SVOPL: variants seen among roughly 807,000 people sequenced by gnomAD.
The protein encoded by SVOPL is SVOP like.
A neutral mutation model predicts 61.0 loss-of-function variants in SVOPL; 60 were observed. That is an observed-to-expected ratio of 0.98 (90% CI 0.80 to 1.22). The LOEUF (loss-of-function observed/expected upper bound fraction) is 1.22. Ranked by LOEUF, SVOPL falls within the 50% of genes most tolerant of loss-of-function variation. The pLI is 0.00. For missense variants in SVOPL, 662 were observed against 643.9 expected (o/e 1.03, Z -0.30); for synonymous variants, 279 against 250.0 (o/e 1.12, Z -1.09).
chr7:138,606,318 G>T (rs775747794), intron 14 of SVOPL, among the ~76,000 whole-genome samples: 76 of 152,150 alleles, frequency 5.0e-4, no homozygotes, highest in Non-Finnish European at 9.0e-4. Flanking sequence ...TTAAGCAGAA[G>T]AGGAAAGCTC....
intron 9 of SVOPL, among the ~76,000 whole-genome samples, chr7:138,635,890 G>A (rs1800445017): frequency 6.6e-6 from 1 of 151,950 alleles, no homozygotes; most frequent in Non-Finnish European, 1.5e-5. Context: ...AAAAGTAAGT[G>A]AGCCACACAA....
At chr7:138,620,020 C>G (rs886684003) in intron 14 of SVOPL, among the ~76,000 whole-genome samples, 1 of 151,928 alleles carries the variant, frequency 6.6e-6, no homozygotes, top group Admixed American at 6.6e-5. Flanking sequence ...CCTGTCAGTG[C>G]CCCCACTCCC....
rs754830380 is a variant in SVOPL, at chr7:138,679,069, A to G, written c.-24T>C. 2 of 1,546,396 alleles carry G rather than the reference A, an allele frequency of 1.3e-6. No homozygotes were observed. The highest frequency in any genetic ancestry group is 2.4e-5 in the East Asian group (1 of 40,884). ...ATCTTCTAAATAGCTCAAGTTCCCC[A>G]AACAGCTTCCCTGGTGGAAGCAAGG... On this transcript the variant is annotated 5_prime_UTR_variant, in exon 2 of 16. Transcript: ENST00000674285.
intron 10 of SVOPL, among the ~76,000 whole-genome samples, chr7:138,629,388 GC>G (rs1200410262): frequency 6.6e-6 from 1 of 151,806 alleles, no homozygotes; most frequent in Non-Finnish European, 1.5e-5. Context: ...CCACCACCAT[GC>G]CCAGCTAATT....
chr7:138,696,999 C>CA (rs1395176963), intron 1 of SVOPL, among the ~76,000 whole-genome samples: 1 of 152,170 alleles, frequency 6.6e-6, no homozygotes, highest in Non-Finnish European at 1.5e-5. Flanking sequence ...GGTAGCCTGG[C>CA]ATAAGAGGCC....
chr7:138,622,143 T>G (rs1265935826), intron 13 of SVOPL, among the ~76,000 whole-genome samples: 1 of 129,808 alleles, frequency 7.7e-6, no homozygotes, highest in African/African-American at 2.7e-5. Flanking sequence ...TCTATGTATC[T>G]ATCTATGTAT....
intron 9 of SVOPL, among the ~76,000 whole-genome samples, chr7:138,640,932 G>T (rs920066036): frequency 1.3e-5 from 2 of 152,164 alleles, no homozygotes; most frequent in African/African-American, 2.4e-5. Flanking sequence ...CTGGGTTACA[G>T]TGGTTCACAC....
chr7:138,599,120 C>T (rs1394602747), intron 14 of SVOPL, among the ~76,000 whole-genome samples: 1 of 87,070 alleles, frequency 1.1e-5, no homozygotes, highest in African/African-American at 4.7e-5. Flanking sequence ...CCAACCTGGG[C>T]AACATAGTGA....
chr7:138,637,457 T>TATAG (rs1554462977), intron 9 of SVOPL, among the ~76,000 whole-genome samples: 3 of 15,332 alleles, frequency 2.0e-4, no homozygotes, highest in African/African-American at 6.6e-4. Context: ...GATAGATAGA[T>TATAG]ATATATATAT....
At chr7:138,664,008 A>C (rs1802132649) in intron 4 of SVOPL, among the ~76,000 whole-genome samples, 1 of 152,102 alleles carries the variant, frequency 6.6e-6, no homozygotes. Flanking sequence ...TGCACGACAA[A>C]AGCCACGACT....
At chr7:138,692,150 T>C (rs1802957493) in intron 1 of SVOPL, among the ~76,000 whole-genome samples, 2 of 152,272 alleles carry the variant, frequency 1.3e-5, no homozygotes, top group South Asian at 4.1e-4. Flanking sequence ...CACTCCAGCC[T>C]GGGTGACAAG....
At chr7:138,676,635 C>T (rs1459309094) in intron 3 of SVOPL, among the ~76,000 whole-genome samples, 1 of 152,154 alleles carries the variant, frequency 6.6e-6, no homozygotes, top group Non-Finnish European at 1.5e-5. Context: ...TTCATCAGTG[C>T]CTCTTAAAGG....
At chr7:138,672,799 T>C (rs1802461874) in intron 3 of SVOPL, among the ~76,000 whole-genome samples, 1 of 149,720 alleles carries the variant, frequency 6.7e-6, no homozygotes, top group Non-Finnish European at 1.5e-5. Flanking sequence ...CCTAAGAAAA[T>C]GTGTATTTAA....
At chr7:138,667,422 T>C (rs1420021946) in intron 4 of SVOPL, among the ~76,000 whole-genome samples, 1 of 152,224 alleles carries the variant, frequency 6.6e-6, no homozygotes, top group East Asian at 1.9e-4. Context: ...ATAATGTTGA[T>C]TGCAAGCTCA....
At chr7:138,639,185 G>A (rs1035901159) in intron 9 of SVOPL, among the ~76,000 whole-genome samples, 5 of 152,066 alleles carry the variant, frequency 3.3e-5, no homozygotes, top group African/African-American at 9.7e-5. Context: ...AACCTAGGAG[G>A]CGAAGGTTGC....
Position 138,666,886 on chromosome 7 carries a change from C to T in SVOPL, c.274-3741G>A, listed in dbSNP as rs78653721. On this transcript the variant is annotated intron_variant, in intron 4 of 15. Coordinates refer to ENST00000674285, the MANE Select transcript of SVOPL (RefSeq NM_001139456.2). The stretch of plus-strand genomic sequence containing the variant: ...TATGTATGATGCCAGCCTTGTGAAA[C>T]ATAAAACCCAACCTGTCCTTCTCCT... 2.1e-3 allele frequency among the ~76,000 whole-genome samples: 327 copies of T among 152,264 alleles called. 1 individual carries two copies. Among genetic ancestry groups the T allele is most frequent in the Non-Finnish European group, 3.7e-3 (251 of 68,020 alleles).
At chr7:138,697,611 C>CAAA (rs397890852) in intron 1 of SVOPL, among the ~76,000 whole-genome samples, 6 of 70,328 alleles carry the variant, frequency 8.5e-5, no homozygotes, top group Admixed American at 1.9e-4. Context: ...GACCCTGCCT[C>CAAA]AAAAAAAAAA....
At position 138,654,130 on chromosome 7, in the gene SVOPL, C is replaced by CAAA. The variant is rs34730936; in HGVS notation, c.534+2315_534+2317dup. The stretch of plus-strand genomic sequence containing the variant: ...CCTGGGCAATAAAGCAAGACTCCCT[C>CAAA]AAAAAAAAAAAAAAAAAGAATCATG... On this transcript the variant is annotated intron_variant, in intron 7 of 15. Transcript: ENST00000674285. Among the ~76,000 whole-genome samples the CAAA allele has an allele frequency of 6.8e-3, 670 of 99,162 alleles. 4 individuals carry two copies. The highest frequency in any genetic ancestry group is 0.02 in the African/African-American group (612 of 30,860). 65.1% of individuals were successfully genotyped at this position (99,162 alleles called of 152,430 possible).
intron 9 of SVOPL, among the ~76,000 whole-genome samples, chr7:138,641,671 C>A (rs866022994): frequency 0.016 from 1,592 of 100,998 alleles, no homozygotes; most frequent in African/African-American, 0.02. Flanking sequence ...AACTCCATCT[C>A]AAAAAAAAAA....
Sources: allele counts gnomAD v4.1 joint callset (sites outside exome capture counted in the v4.1 genomes callset), GRCh38; gene constraint gnomAD v4.1.1; transcripts MANE v1.5; gene names NCBI Gene and HGNC (gene_info 2026-07-23, HGNC 2026-07-21).